Variants in NEB observed in about 807,000 individuals in gnomAD.
NEB encodes the protein nebulin, also known as nemaline myopathy type 2.
Under a neutral mutation model 952.2 loss-of-function variants are expected in NEB, and 512 were observed. The observed-to-expected ratio is 0.54, with a 90% CI of 0.50 to 0.58. The LOEUF (loss-of-function observed/expected upper bound fraction) is 0.58. Among genes scored for constraint, NEB ranks in the 20% least tolerant of loss-of-function variants. The pLI is 0.00. For synonymous variants in NEB, 2,900 were observed against 3,149.8 expected, an observed-to-expected ratio of 0.92 and a Z score of 2.66; for missense variants, 8,428 against 9,231.1, an observed-to-expected ratio of 0.91 and a Z score of 3.56.
intron 67 of NEB, 49 bp from the exon 68 acceptor site, chr2:151,629,695 A>T: frequency 6.8e-7 from 1 of 1,460,310 alleles, no homozygotes; most frequent in Non-Finnish European, 9.6e-7. Context: ...GACATCAACA[A>T]TTCAGAGATT....
At chr2:151,661,283 A>G (rs1185486699) in intron 46 of NEB, among the ~76,000 whole-genome samples, 1 of 152,238 alleles carries the variant, frequency 6.6e-6, no homozygotes, top group African/African-American at 2.4e-5. Flanking sequence ...AAAGAGGCAC[A>G]GAAATTTGTG....
intron 24 of NEB, chr2:151,690,394 T>C (rs1266282462): frequency 4.0e-6 from 1 of 247,222 alleles, no homozygotes; most frequent in East Asian, 1.0e-4. Flanking sequence ...ATTTGCCTTG[T>C]CCTACACAAA....
rs774139435 is a variant in NEB, at chr2:151,545,844, C to G, written c.20577+44G>C. On this transcript the variant is annotated intron_variant, in intron 135 of 181. Coordinates refer to ENST00000397345, the MANE Select transcript of NEB (RefSeq NM_001164508.2). The stretch of plus-strand genomic sequence containing the variant: ...GCCTTGTGGAGTAATTCAGTTTGTA[C>G]TGGTCAATTTGATTGACTTCAATGA... 3 of 1,224,790 alleles carry G rather than the reference C, an allele frequency of 2.4e-6. No homozygotes were observed. The African/African-American group carries it at 4.5e-5, about 18-fold the overall frequency. 75.9% of individuals were successfully genotyped at this position (1,224,790 alleles called of 1,614,324 possible).
Position 151,508,035 on chromosome 2 carries a change from T to A in NEB, c.23421A>T (p.Arg7807Ser). 1 of 1,610,550 alleles carries A rather than the reference T, an allele frequency of 6.2e-7. No individual in the cohort carries two copies. Among genetic ancestry groups the A allele is most frequent in the Non-Finnish European group, 8.5e-7 (1 of 1,178,226 alleles). Residue 7807 changes from arginine (R) to serine (S), a missense_variant, in exon 162 of 182, where the codon AGA (arginine) becomes AGT (serine). By Grantham distance (110) the Arg-to-Ser change is moderately radical. This residue lies in a region of NEB where 3,374 missense variants were observed against 3,651.5 expected (regional missense o/e 0.92). Coordinates refer to ENST00000397345, the MANE Select transcript of NEB (RefSeq NM_001164508.2). ...ETVLDTPEIQ[R>S]VRENQKNFSL... ...TGAAGTTCTTTTGGTTCTCCCGGAC[T>A]CTCTGTATCTCTGGGGTGTCCAAAA...
chr2:151,714,024 G>A (rs920427008), intron 10 of NEB, among the ~76,000 whole-genome samples: 2 of 152,154 alleles, frequency 1.3e-5, no homozygotes, highest in Non-Finnish European at 2.9e-5. Flanking sequence ...AAGGCCCTTA[G>A]AGATTAATGG....
chr2:151,488,323 T>C (rs911524512), intron 181 of NEB, among the ~76,000 whole-genome samples: 6 of 152,084 alleles, frequency 3.9e-5, no homozygotes, highest in African/African-American at 1.4e-4. Flanking sequence ...ATTTTGGAAT[T>C]TGCCTGGGAA....
chr2:151,555,868 C>T (rs867680632), intron 124 of NEB, among the ~76,000 whole-genome samples: 2 of 94,880 alleles, frequency 2.1e-5, no homozygotes, highest in Non-Finnish European at 4.6e-5. Flanking sequence ...TTAAAGGCAC[C>T]GTTAAAAAAA....
chr2:151,711,551 A>C lies in NEB; in HGVS notation c.823-1013T>G, dbSNP rs894862115. Among the ~76,000 whole-genome samples the C allele has an allele frequency of 6.6e-5, 10 of 152,296 alleles. No individual in the cohort carries two copies. In the East Asian group the frequency reaches 1.9e-3, roughly 29 times the overall value. ...AATGCCTAATTTCCTTTCTTCTCAA[A>C]AGGTTAATATGTAAATAAATAGCCA... On this transcript the variant is annotated intron_variant, in intron 10 of 181. Transcript: ENST00000397345.
chr2:151,680,118 G>T, intron 30 of NEB, 96 bp from the exon 31 acceptor site: 1 of 920,408 alleles, frequency 1.1e-6, no homozygotes, highest in Non-Finnish European at 1.7e-6. Context: ...ATTTCACAGA[G>T]GTGGTTTTAG....
In NEB at chr2:151,627,510, C is replaced by T; in HGVS notation, c.10143+13G>A. Reference sequence around the variant, plus strand: ...TATTATGAGCACAGTTACCATGGATCTTAATTACTCACATCGCTCTGGAGG... The same window carrying T: ...TATTATGAGCACAGTTACCATGGATTTTAATTACTCACATCGCTCTGGAGG... On this transcript the variant is annotated intron_variant, in intron 69 of 181. Coordinates refer to ENST00000397345, the MANE Select transcript of NEB (RefSeq NM_001164508.2). The T allele has an allele frequency of 2.5e-6, 4 of 1,611,816 alleles. No homozygotes were observed. Among genetic ancestry groups the T allele is most frequent in the Non-Finnish European group, 3.4e-6 (4 of 1,178,002 alleles).
chr2:151,486,353 G>A (rs2050367602), intron 181 of NEB: 1 of 162,250 alleles, frequency 6.2e-6, no homozygotes, highest in African/African-American at 2.4e-5. Flanking sequence ...GACAATAACA[G>A]ACATTAGAAA....
At chr2:151,524,063 AG>A (rs1288675089) in intron 153 of NEB, among the ~76,000 whole-genome samples, 2 of 152,186 alleles carry the variant, frequency 1.3e-5, no homozygotes, top group Non-Finnish European at 2.9e-5. Flanking sequence ...TGTCACATAA[AG>A]ATAGTTAAGC....
chr2:151,617,092 A>G (rs1034078783), intron 75 of NEB, among the ~76,000 whole-genome samples: 14 of 152,234 alleles, frequency 9.2e-5, no homozygotes, highest in African/African-American at 3.4e-4. Context: ...TGATACCCAC[A>G]GTGACCTGTA....
At chr2:151,723,753 T>TTTTTTTTTTTTTTTTTTTTTTTTG (rs2099782213) in intron 8 of NEB, among the ~76,000 whole-genome samples, 1 of 143,790 alleles carries the variant, frequency 7.0e-6, no homozygotes, top group African/African-American at 2.7e-5. Context: ...CTTCTTTGTT[T>TTTTTTTTTTTTTTTTTTTTTTTTG]TTTTTTTTTT....
At chr2:151,559,521 G>A (rs2095880922) in intron 124 of NEB, among the ~76,000 whole-genome samples, 1 of 152,130 alleles carries the variant, frequency 6.6e-6, no homozygotes, top group South Asian at 2.1e-4. Context: ...CTTCACCATA[G>A]CAAAGTCTTG....
At chr2:151,707,737 C>T (rs1020190488) in intron 12 of NEB, among the ~76,000 whole-genome samples, 2 of 152,124 alleles carry the variant, frequency 1.3e-5, no homozygotes, top group Admixed American at 1.3e-4. Flanking sequence ...GCCCTTTATT[C>T]AGGCAATATA....
chr2:151,697,865 G>C lies in NEB; in HGVS notation c.1153-217C>G, dbSNP rs543415168. Among the ~76,000 whole-genome samples, 97 of 152,306 alleles carry C rather than the reference G, an allele frequency of 6.4e-4. 1 individual carries two copies. Among genetic ancestry groups the C allele is most frequent in the African/African-American group, 2.3e-3 (94 of 41,562 alleles). ...GCGGATCACGAGGTCAGGAGTTTGAGACAAGCCTAGCCAACAAAGTGAAAC... is the reference window on the plus strand; with the variant it reads ...GCGGATCACGAGGTCAGGAGTTTGACACAAGCCTAGCCAACAAAGTGAAAC... On this transcript the variant is annotated intron_variant, in intron 13 of 181. Transcript: ENST00000397345.
intron 153 of NEB, among the ~76,000 whole-genome samples, chr2:151,522,356 A>G (rs897501029): frequency 6.6e-6 from 1 of 152,204 alleles, no homozygotes; most frequent in African/African-American, 2.4e-5. Context: ...TCAGTATATT[A>G]AAAATCAAAA....
chr2:151,715,398 G>A (rs2150258215), intron 10 of NEB, among the ~76,000 whole-genome samples: 1 of 152,288 alleles, frequency 6.6e-6, no homozygotes, highest in Non-Finnish European at 1.5e-5. Flanking sequence ...AGTGTTATGG[G>A]ATGAATGTCT....
Sources: allele counts gnomAD v4.1 joint callset (sites outside exome capture counted in the v4.1 genomes callset), GRCh38; gene constraint gnomAD v4.1.1; regional missense constraint gnomAD v4.1.1; transcripts MANE v1.5; gene names NCBI Gene and HGNC (gene_info 2026-07-23, HGNC 2026-07-21).